Variants in AGMO observed in about 807,000 individuals in gnomAD.
AGMO encodes glyceryl-ether monooxygenase.
Under a neutral mutation model 60.2 loss-of-function variants are expected in AGMO, and 75 were observed. The observed-to-expected ratio is 1.25, with a 90% CI of 1.03 to 1.51. The LOEUF is 1.51. AGMO is among the 40% of genes most tolerant of loss of function. The pLI, the probability that AGMO is intolerant of heterozygous loss-of-function variation, is 0.00. For missense variants in AGMO, 763 were observed against 525.5 expected, an observed-to-expected ratio of 1.45 and a Z score of -4.42; for synonymous variants, 261 against 177.1, an observed-to-expected ratio of 1.47 and a Z score of -3.76.
Position 15,535,369 on chromosome 7 carries a change from G to A in AGMO, c.409+9403C>T, listed in dbSNP as rs116851001. Among the ~76,000 whole-genome samples the A allele has an allele frequency of 1.2e-3, 178 of 151,780 alleles. 1 individual carries two copies. In the East Asian group the frequency reaches 0.022, roughly 19 times the overall value. On this transcript the variant is annotated intron_variant, in intron 3 of 12. Coordinates refer to ENST00000342526, the MANE Select transcript of AGMO (RefSeq NM_001004320.2). ...TTTTTACCTTTGGAATAAAAGAATC[G>A]GAATTCAAGAAGTACATTACAAAAT...
intron 2 of AGMO, among the ~76,000 whole-genome samples, chr7:15,547,643 C>T (rs1029739555): frequency 7.2e-5 from 11 of 152,050 alleles, no homozygotes; most frequent in East Asian, 1.9e-4. Context: ...AGATTATATC[C>T]GCACCTGGCT....
In AGMO at chr7:15,440,875, A is replaced by T. The variant is rs116420267; in HGVS notation, c.410-9767T>A. On this transcript the variant is annotated intron_variant, in intron 3 of 12. Coordinates refer to ENST00000342526, the MANE Select transcript of AGMO (RefSeq NM_001004320.2). Reference sequence around the variant, plus strand: ...GTTATGGATAAGACAGTCTGATTTCAAGTTATACTCCTCTTTCTCTTAGCT... The same window carrying T: ...GTTATGGATAAGACAGTCTGATTTCTAGTTATACTCCTCTTTCTCTTAGCT... 5.7e-3 allele frequency among the ~76,000 whole-genome samples: 873 copies of T among 152,300 alleles called. 11 individuals carry two copies. Among genetic ancestry groups the T allele is most frequent in the African/African-American group, 0.02 (833 of 41,564 alleles).
At chr7:15,397,130 C>A (rs1784421953) in intron 5 of AGMO, among the ~76,000 whole-genome samples, 1 of 152,136 alleles carries the variant, frequency 6.6e-6, no homozygotes, top group Non-Finnish European at 1.5e-5. Context: ...CTGGGCACTC[C>A]CGCAGCCCAG....
At chr7:15,208,271 T>G (rs180847363) in intron 12 of AGMO, among the ~76,000 whole-genome samples, 1 of 152,256 alleles carries the variant, frequency 6.6e-6, no homozygotes, top group Non-Finnish European at 1.5e-5. Context: ...GTCAAATTAA[T>G]AAAGGACCAA....
intron 12 of AGMO, among the ~76,000 whole-genome samples, chr7:15,309,578 T>C (rs929943865): frequency 1.3e-5 from 2 of 152,148 alleles, no homozygotes; most frequent in Non-Finnish European, 2.9e-5. Context: ...TAAAGAGATA[T>C]GCAAAATGTT....
chr7:15,310,301 A>C (rs1412224526), intron 12 of AGMO, among the ~76,000 whole-genome samples: 1 of 152,202 alleles, frequency 6.6e-6, no homozygotes, highest in African/African-American at 2.4e-5. Flanking sequence ...ATATCAAGAT[A>C]ACATTTTTAG....
chr7:15,329,493 C>CTT (rs1781438956), intron 12 of AGMO, among the ~76,000 whole-genome samples: 1 of 152,136 alleles, frequency 6.6e-6, no homozygotes, highest in African/African-American at 2.4e-5. Flanking sequence ...ACAAAAAATA[C>CTT]GTCCTTAGTG....
Position 15,418,628 on chromosome 7 carries a change from A to G in AGMO, c.539T>C (p.Phe180Ser). The change falls in exon 5 of 13, where the codon TTC becomes TCC. Residue 180 changes from phenylalanine to serine, a missense_variant. Phe to Ser is a radical substitution (Grantham distance 155). Transcript: ENST00000342526. Reference protein sequence around the residue: ...SWIFYSPLALFIPPSVYAVHL... With the variant: ...SWIFYSPLALSIPPSVYAVHL... ...AACAGCATATACTGAAGGGGGTATGAAGAGGGCCAGGGGAGAGTAGAAAAT... is the reference window on the plus strand; with the variant it reads ...AACAGCATATACTGAAGGGGGTATGGAGAGGGCCAGGGGAGAGTAGAAAAT... 1.3e-6 allele frequency: 2 copies of G among 1,577,260 alleles called. No homozygotes were observed. Among genetic ancestry groups the G allele is most frequent in the Non-Finnish European group, 1.7e-6 (2 of 1,167,290 alleles).
At position 15,304,290 on chromosome 7, in the gene AGMO, C is replaced by T. The variant is rs552680583; in HGVS notation, c.1263+61224G>A. ...ATCCCTTTCTCTTCTCCAGCTCTCT[C>T]GATCCCCTCAACTCCCTTGAGGTCT... is the stretch of plus-strand genomic sequence containing the variant. On this transcript the variant is annotated intron_variant, in intron 12 of 12. Transcript: ENST00000342526. Among the ~76,000 whole-genome samples the T allele has an allele frequency of 5.3e-5, 8 of 152,178 alleles. 1 individual carries two copies. The South Asian group carries it at 1.5e-3, about 28-fold the overall frequency.
At chr7:15,285,963 A>G (rs905690651) in intron 12 of AGMO, among the ~76,000 whole-genome samples, 2 of 152,116 alleles carry the variant, frequency 1.3e-5, no homozygotes, top group African/African-American at 4.8e-5. Flanking sequence ...ATTCAAAAAT[A>G]TAAATTGGGG....
intron 10 of AGMO, among the ~76,000 whole-genome samples, chr7:15,373,363 C>A (rs143521651): frequency 1.4e-4 from 22 of 152,136 alleles, no homozygotes; most frequent in African/African-American, 4.3e-4. Flanking sequence ...CCCAATTACG[C>A]CTGCAGAACC....
At position 15,286,460 on chromosome 7, in the gene AGMO, A is replaced by T. The variant is rs992378298; in HGVS notation, c.1263+79054T>A. Among the ~76,000 whole-genome samples, 4 of 152,166 alleles carry T rather than the reference A, an allele frequency of 2.6e-5. No homozygotes were observed. In the East Asian group the frequency reaches 7.7e-4, roughly 29 times the overall value. On this transcript the variant is annotated intron_variant, in intron 12 of 12. Transcript: ENST00000342526. ...AAGAAGATATACAAATGGCCAACAA[A>T]TATATCAAAAAATGCTGAACATCAC...
chr7:15,516,334 T>G (rs1022269662), intron 3 of AGMO, among the ~76,000 whole-genome samples: 2 of 152,140 alleles, frequency 1.3e-5, no homozygotes, highest in East Asian at 3.8e-4. Flanking sequence ...TCATTTCTAT[T>G]TTACGGTAAA....
At chr7:15,220,208 CTTTTTTTTTTTTT>C (rs904364065) in intron 12 of AGMO, among the ~76,000 whole-genome samples, 1 of 109,534 alleles carries the variant, frequency 9.1e-6, no homozygotes, top group African/African-American at 4.2e-5. Flanking sequence ...CTGACTGTGC[CTTTTTTTTTTTTT>C]TTTTTTTTTT....
chr7:15,521,565 T>C (rs992510072), intron 3 of AGMO, among the ~76,000 whole-genome samples: 3 of 152,148 alleles, frequency 2.0e-5, no homozygotes, highest in African/African-American at 7.2e-5. Context: ...ATAAATGTAA[T>C]CCATCACATA....
chr7:15,424,664 T>C (rs1023574920), intron 4 of AGMO, among the ~76,000 whole-genome samples: 2 of 152,206 alleles, frequency 1.3e-5, no homozygotes, highest in Non-Finnish European at 2.9e-5. Flanking sequence ...TCCAAGAGCC[T>C]CATTTCTTTA....
intron 3 of AGMO, among the ~76,000 whole-genome samples, chr7:15,433,752 G>A (rs1040301734): frequency 1.2e-4 from 16 of 138,508 alleles, no homozygotes; most frequent in Non-Finnish European, 2.0e-4. Flanking sequence ...TTTTCTATAC[G>A]AAAATTATAG....
the AGMO span, among the ~76,000 whole-genome samples, chr7:15,149,146 G>A: frequency 1.3e-5 from 2 of 151,926 alleles, no homozygotes; most frequent in Admixed American, 1.3e-4. Flanking sequence ...CATGTCCTTT[G>A]CACACTTTTT....
At chr7:15,297,107 G>T (rs941446009) in intron 12 of AGMO, among the ~76,000 whole-genome samples, 2 of 151,846 alleles carry the variant, frequency 1.3e-5, no homozygotes, top group Non-Finnish European at 2.9e-5. Flanking sequence ...GAAAATATTT[G>T]CTCAACAAAT....
Sources: allele counts gnomAD v4.1 joint callset (sites outside exome capture counted in the v4.1 genomes callset), GRCh38; gene constraint gnomAD v4.1.1; transcripts MANE v1.5; gene names NCBI Gene and HGNC (gene_info 2026-07-23, HGNC 2026-07-21).